Variants in ADAM32 observed in about 807,000 individuals in gnomAD.
ADAM32 encodes disintegrin and metalloproteinase domain-containing protein 32.
Under a neutral mutation model 114.9 loss-of-function variants are expected in ADAM32, and 89 were observed. The ratio of observed to expected loss-of-function variants is 0.77; its 90% confidence interval spans 0.65 to 0.92. The LOEUF is 0.92. Among genes scored for constraint, ADAM32 ranks in the 40% least tolerant of loss-of-function variants. The pLI is 0.00. For missense variants in ADAM32, 870 were observed against 932.8 expected (o/e 0.93, Z 0.88); for synonymous variants, 285 against 307.5 (o/e 0.93, Z 0.77).
In ADAM32 at chr8:39,209,534, G is replaced by A. The variant is rs543306732; in HGVS notation, c.1053-1610G>A. The stretch of plus-strand genomic sequence containing the variant: ...ATTTTCCTGAATGTTATTAATGCTT[G>A]TGGATGTATCTGGGCATTAAATAAT... On this transcript the variant is annotated intron_variant, in intron 11 of 24. Coordinates refer to ENST00000379907, the MANE Select transcript of ADAM32 (RefSeq NM_145004.7). 1.7e-3 allele frequency among the ~76,000 whole-genome samples: 258 copies of A among 152,258 alleles called. 1 individual carries two copies. The highest frequency in any genetic ancestry group is 5.8e-3 in the African/African-American group (241 of 41,556).
At chr8:39,188,372 T>G (rs1338990750) in intron 11 of ADAM32, among the ~76,000 whole-genome samples, 1 of 6,480 alleles carries the variant, frequency 1.5e-4, no homozygotes, top group African/African-American at 3.3e-4. Flanking sequence ...TGTCTATCTA[T>G]CTGTCTGTCT....
chr8:39,274,402 A>T (rs1812943399), intron 21 of ADAM32, 52 bp downstream of exon 21: 1 of 1,555,336 alleles, frequency 6.4e-7, no homozygotes. Flanking sequence ...TTAAGAATTT[A>T]TTGATAATTC....
At chr8:39,177,069 T>C (rs1477377988) in intron 10 of ADAM32, among the ~76,000 whole-genome samples, 1 of 151,984 alleles carries the variant, frequency 6.6e-6, no homozygotes, top group Non-Finnish European at 1.5e-5. Flanking sequence ...TCCTTTTTTT[T>C]TTTTTTGGAG....
At chr8:39,180,055 C>G (rs565407630) in intron 10 of ADAM32, among the ~76,000 whole-genome samples, 6 of 152,188 alleles carry the variant, frequency 3.9e-5, no homozygotes, top group Non-Finnish European at 8.8e-5. Context: ...ACTGTGGGAG[C>G]CCCTTTCTGG....
At chr8:39,202,011 C>T (rs1224585141) in intron 11 of ADAM32, among the ~76,000 whole-genome samples, 3 of 152,172 alleles carry the variant, frequency 2.0e-5, no homozygotes, top group Non-Finnish European at 2.9e-5. Context: ...TTTTGATGTG[C>T]TGCTGGATTT....
chr8:39,246,130 AGCAC>A lies in ADAM32; in HGVS notation c.1867_1870del (p.Ala623MetfsTer62), dbSNP rs764582320. 5 of 1,613,474 alleles carry A rather than the reference AGCAC, an allele frequency of 3.1e-6. No homozygotes were observed. Among genetic ancestry groups the A allele is most frequent in the Non-Finnish European group, 4.2e-6 (5 of 1,179,668 alleles). On this transcript the variant is annotated frameshift_variant, in exon 17 of 25. Coordinates refer to ENST00000379907, the MANE Select transcript of ADAM32 (RefSeq NM_145004.7). LOFTEE classifies it high-confidence loss of function. Reference sequence around the variant, plus strand: ...TAGAATCAAGGATAATTAAGGCTTCAGCACATGTTTGTTCACAACAGTGTTCTGG... The same window carrying A: ...TAGAATCAAGGATAATTAAGGCTTCAATGTTTGTTCACAACAGTGTTCTGG...
At chr8:39,275,994 C>T in intron 22 of ADAM32, 128 bp downstream of exon 22, 3 of 754,104 alleles carry the variant, frequency 4.0e-6, no homozygotes, top group Non-Finnish European at 6.0e-6. Flanking sequence ...AGTACTGTAC[C>T]TTAAAACAAC....
At chr8:39,156,427 A>T (rs7823183) in intron 6 of ADAM32, among the ~76,000 whole-genome samples, 8 of 152,218 alleles carry the variant, frequency 5.3e-5, no homozygotes, top group African/African-American at 1.9e-4. Context: ...GTATAAGTGT[A>T]AGCCACTGCA....
intron 10 of ADAM32, among the ~76,000 whole-genome samples, chr8:39,180,641 A>G (rs1805809626): frequency 6.6e-6 from 1 of 152,202 alleles, no homozygotes; most frequent in Non-Finnish European, 1.5e-5. Flanking sequence ...CAGGGATTGT[A>G]AATACACCAA....
chr8:39,264,844 G>A (rs540233943), intron 19 of ADAM32, among the ~76,000 whole-genome samples: 4 of 152,124 alleles, frequency 2.6e-5, no homozygotes, highest in Non-Finnish European at 4.4e-5. Flanking sequence ...TAATTTCTAC[G>A]TGATTGTATG....
chr8:39,281,071 C>T (rs1057413444), intron 22 of ADAM32, 65 bp from the exon 23 acceptor site: 29 of 796,780 alleles, frequency 3.6e-5, no homozygotes, highest in African/African-American at 2.2e-4. Flanking sequence ...CATGAGCCAC[C>T]GCGCCTGGCC....
In ADAM32 at chr8:39,136,293, T is replaced by C. The variant is rs142330227; in HGVS notation, c.139-364T>C. On this transcript the variant is annotated intron_variant, in intron 2 of 24. Transcript: ENST00000379907. Reference sequence around the variant, plus strand: ...GAAAATGGTTAAATAATTTTTATGGTGGACAGAGTAAGCTTCACTGATGTA... The same window carrying C: ...GAAAATGGTTAAATAATTTTTATGGCGGACAGAGTAAGCTTCACTGATGTA... Among the ~76,000 whole-genome samples, 224 of 152,314 alleles carry C rather than the reference T, an allele frequency of 1.5e-3. 4 individuals carry two copies. The East Asian group carries it at 0.031, about 21-fold the overall frequency.
At chr8:39,157,672 C>T in intron 6 of ADAM32, 1 of 760,124 alleles carries the variant, frequency 1.3e-6, no homozygotes, top group Non-Finnish European at 2.2e-6. Context: ...TCTCCAGAGC[C>T]TGCTGCTTGG....
intron 23 of ADAM32, among the ~76,000 whole-genome samples, chr8:39,282,819 C>T (rs984536866): frequency 6.6e-6 from 1 of 151,942 alleles, no homozygotes; most frequent in African/African-American, 2.4e-5. Flanking sequence ...ACTCATATGT[C>T]TATAAATACA....
chr8:39,159,770 A>G (rs765033250), intron 6 of ADAM32, among the ~76,000 whole-genome samples: 2 of 152,224 alleles, frequency 1.3e-5, no homozygotes, highest in Non-Finnish European at 2.9e-5. Context: ...GCCACTGGAC[A>G]GCTCAAAACA....
At chr8:39,277,286 A>G (rs1813134982) in intron 22 of ADAM32, among the ~76,000 whole-genome samples, 1 of 152,234 alleles carries the variant, frequency 6.6e-6, no homozygotes, top group East Asian at 1.9e-4. Context: ...ATGTTAAACC[A>G]CTGGTCTAGC....
In ADAM32 at chr8:39,215,357, G is replaced by A. The variant is rs142781684; in HGVS notation, c.1233+4033G>A. On this transcript the variant is annotated intron_variant, in intron 12 of 24. Coordinates refer to ENST00000379907, the MANE Select transcript of ADAM32 (RefSeq NM_145004.7). ...GGTGTTCTCAATTTCTTGCATCAAT[G>A]TTTTATAGTTTTCATTGTAGAGATC... Among the ~76,000 whole-genome samples, 817 of 151,930 alleles carry A rather than the reference G, an allele frequency of 5.4e-3. 9 individuals carry two copies. Among genetic ancestry groups the A allele is most frequent in the African/African-American group, 0.019 (780 of 41,528 alleles).
chr8:39,194,602 C>T (rs1806833977), intron 11 of ADAM32, among the ~76,000 whole-genome samples: 1 of 152,090 alleles, frequency 6.6e-6, no homozygotes, highest in South Asian at 2.1e-4. Context: ...AGATGCAGTC[C>T]ACCAGTGCAG....
At chr8:39,205,714 C>G (rs968892443) in intron 11 of ADAM32, among the ~76,000 whole-genome samples, 8 of 152,230 alleles carry the variant, frequency 5.3e-5, no homozygotes, top group African/African-American at 1.9e-4. Flanking sequence ...CTGCGTTGCT[C>G]AGGCTGTGAG....
Sources: gnomAD v4.1 joint callset for allele counts (sites outside exome capture counted in the v4.1 genomes callset) on GRCh38, gnomAD v4.1.1 for gene constraint, MANE v1.5 for transcripts, NCBI Gene and HGNC (gene_info 2026-07-23, HGNC 2026-07-21) for gene names.